MB21D2: variants seen among roughly 807,000 people sequenced by gnomAD.
The protein encoded by MB21D2 is nucleotidyltransferase MB21D2.
In MB21D2, 9 loss-of-function variants were observed where a neutral mutation model predicts 33.3. That is an observed-to-expected ratio of 0.27 (90% CI 0.16 to 0.47). The LOEUF (loss-of-function observed/expected upper bound fraction) is 0.47, where lower values mean the gene tolerates loss of function less well. MB21D2 is among the 20% of genes least tolerant of loss of function. The pLI is 0.99. For missense variants in MB21D2, 540 were observed against 624.6 expected, an observed-to-expected ratio of 0.86 and a Z score of 1.44; for synonymous variants, 241 against 236.3, an observed-to-expected ratio of 1.02 and a Z score of -0.18.
Position 192,796,834 on chromosome 3 carries a change from CTT to C in MB21D2, c.*1550_*1551del, listed in dbSNP as rs574485000. On this transcript the variant is annotated 3_prime_UTR_variant, in exon 2 of 2. Coordinates refer to ENST00000392452, the MANE Select transcript of MB21D2 (RefSeq NM_178496.4). ...ACAAAATTTCAAGGCCAGTATGTTTCTTTTTTTATTATTTTTGTGTTTGACTT... is the reference window on the plus strand; with the variant it reads ...ACAAAATTTCAAGGCCAGTATGTTTCTTTTTATTATTTTTGTGTTTGACTT... 292 of 152,234 alleles carry C rather than the reference CTT, an allele frequency of 1.9e-3. 1 individual carries two copies. The highest frequency in any genetic ancestry group is 6.7e-3 in the African/African-American group (279 of 41,478). 9.4% of individuals were successfully genotyped at this position (152,234 alleles called of 1,614,324 possible).
intron 1 of MB21D2, among the ~76,000 whole-genome samples, chr3:192,825,379 C>A (rs1160998813): frequency 6.6e-6 from 1 of 152,070 alleles, no homozygotes; most frequent in Non-Finnish European, 1.5e-5. Flanking sequence ...CATGCCAGAG[C>A]AAGTCAAACA....
At chr3:192,818,930 C>T (rs1371687923) in intron 1 of MB21D2, among the ~76,000 whole-genome samples, 2 of 152,070 alleles carry the variant, frequency 1.3e-5, no homozygotes, top group Non-Finnish European at 2.9e-5. Context: ...ATACAGTTCC[C>T]TTGAATGTCA....
chr3:192,819,577 T>C (rs1481640894), intron 1 of MB21D2, among the ~76,000 whole-genome samples: 1 of 152,188 alleles, frequency 6.6e-6, no homozygotes, highest in Non-Finnish European at 1.5e-5. Context: ...CCTATAGTTT[T>C]AAAAGGGAGA....
At chr3:192,858,648 G>GATAGACAGATGGAGCT (rs1247338332) in intron 1 of MB21D2, among the ~76,000 whole-genome samples, 5 of 152,166 alleles carry the variant, frequency 3.3e-5, no homozygotes, top group African/African-American at 1.2e-4. Flanking sequence ...AAAATGGACA[G>GATAGACAGATGGAGCT]ATAGACAGAT....
intron 1 of MB21D2, among the ~76,000 whole-genome samples, chr3:192,830,589 C>T (rs1167018223): frequency 6.6e-6 from 1 of 152,184 alleles, no homozygotes; most frequent in Non-Finnish European, 1.5e-5. Context: ...TCTCCCCAAA[C>T]CAGTTATCTC....
At chr3:192,838,551 C>T (rs1712495776) in intron 1 of MB21D2, among the ~76,000 whole-genome samples, 1 of 151,944 alleles carries the variant, frequency 6.6e-6, no homozygotes, top group Admixed American at 6.6e-5. Context: ...GCCTCGGCCT[C>T]CCGAGTGGCT....
chr3:192,884,624 C>T lies in MB21D2; in HGVS notation c.211+33006G>A, dbSNP rs1167466868. On this transcript the variant is annotated intron_variant, in intron 1 of 1. Transcript: ENST00000392452. ...CCTCGTGATCTGCCCGCCTTGGCCT[C>T]CCAAAGTGCTGGCATTACAGGCGTG... Among the ~76,000 whole-genome samples, 10 of 152,176 alleles carry T rather than the reference C, an allele frequency of 6.6e-5. 1 individual carries two copies. In the South Asian group the frequency reaches 1.9e-3, roughly 28 times the overall value.
At chr3:192,870,591 G>A (rs1312925483) in intron 1 of MB21D2, among the ~76,000 whole-genome samples, 2 of 151,692 alleles carry the variant, frequency 1.3e-5, no homozygotes, top group Admixed American at 6.6e-5. Flanking sequence ...ACATGGTGGT[G>A]CAAGCCTGTA....
intron 1 of MB21D2, among the ~76,000 whole-genome samples, chr3:192,871,334 T>C (rs1272128755): frequency 1.3e-5 from 2 of 152,172 alleles, no homozygotes; most frequent in African/African-American, 4.8e-5. Context: ...ACCTACTAAA[T>C]ATAGATTACT....
In MB21D2 at chr3:192,799,260, T is replaced by G; in HGVS notation, c.602A>C (p.Lys201Thr). Residue 201 changes from lysine (K) to threonine (T), a missense_variant, in exon 2 of 2, where the codon AAG becomes ACG. By Grantham distance (78) the Lys-to-Thr change is moderately conservative. Coordinates refer to ENST00000392452, the MANE Select transcript of MB21D2 (RefSeq NM_178496.4). The surrounding 1 kb of genome is among the most constrained non-coding windows in gnomAD (Gnocchi z 4.1). ...CTTTGGCATCCCTCGCTGGGGTTTC[T>G]TCTGTATTTCTGATAGGACAATGCT... ...SISIVLSEIQKKPQRGMPKVE... is the reference protein window; with the variant it reads ...SISIVLSEIQTKPQRGMPKVE... 6.2e-7 allele frequency: 1 copy of G among 1,614,254 alleles called. No homozygotes were observed. Among genetic ancestry groups the G allele is most frequent in the Middle Eastern group, 1.6e-4 (1 of 6,062 alleles).
intron 1 of MB21D2, among the ~76,000 whole-genome samples, chr3:192,871,217 T>A (rs1036685659): frequency 1.3e-5 from 2 of 152,138 alleles, no homozygotes; most frequent in African/African-American, 4.8e-5. Flanking sequence ...GACAATCACC[T>A]GGCATGATGA....
chr3:192,818,149 T>G lies in MB21D2; in HGVS notation c.212-18499A>C, dbSNP rs148188263. ...ATTTCCTGTCCCCCTTCATACAGCATTTGTACTACAGCTATTTGAGCTCAT... is the reference window on the plus strand; with the variant it reads ...ATTTCCTGTCCCCCTTCATACAGCAGTTGTACTACAGCTATTTGAGCTCAT... On this transcript the variant is annotated intron_variant, in intron 1 of 1. Coordinates refer to ENST00000392452, the MANE Select transcript of MB21D2 (RefSeq NM_178496.4). Among the ~76,000 whole-genome samples the G allele has an allele frequency of 1.1e-3, 169 of 152,208 alleles. 1 individual carries two copies. In the East Asian group the frequency reaches 0.024, roughly 22 times the overall value.
chr3:192,837,088 TA>T (rs1712456964), intron 1 of MB21D2, among the ~76,000 whole-genome samples: 1 of 152,044 alleles, frequency 6.6e-6, no homozygotes, highest in African/African-American at 2.4e-5. Context: ...ATTGAAGAAC[TA>T]AAAAATACAT....
intron 1 of MB21D2, among the ~76,000 whole-genome samples, chr3:192,852,316 G>C (rs143168532): frequency 2.6e-5 from 4 of 152,312 alleles, no homozygotes; most frequent in Non-Finnish European, 5.9e-5. Context: ...GGAAAGACAG[G>C]TTGTGAGGCG....
At chr3:192,835,963 T>G (rs1309029565) in intron 1 of MB21D2, among the ~76,000 whole-genome samples, 1 of 152,030 alleles carries the variant, frequency 6.6e-6, no homozygotes, top group African/African-American at 2.4e-5. Flanking sequence ...TCTCTGGAGA[T>G]GAAAAAAAGT....
intron 1 of MB21D2, among the ~76,000 whole-genome samples, chr3:192,913,133 A>G (rs1406695517): frequency 1.3e-5 from 2 of 152,204 alleles, no homozygotes; most frequent in Non-Finnish European, 2.9e-5. Context: ...CTAAGAAAGT[A>G]TATTTTTATC....
At chr3:192,812,132 C>G (rs958734507) in intron 1 of MB21D2, among the ~76,000 whole-genome samples, 22 of 152,254 alleles carry the variant, frequency 1.4e-4, no homozygotes, top group African/African-American at 4.6e-4. Context: ...ACTGCAACCT[C>G]TGCCTCCCAG....
chr3:192,899,143 A>C (rs547922630), intron 1 of MB21D2, among the ~76,000 whole-genome samples: 5 of 152,354 alleles, frequency 3.3e-5, no homozygotes, highest in Admixed American at 2.6e-4. Context: ...CAGGCATACA[A>C]GAAATACATG....
intron 1 of MB21D2, among the ~76,000 whole-genome samples, chr3:192,841,079 C>G (rs574007455): frequency 4.6e-5 from 7 of 152,290 alleles, no homozygotes; most frequent in Admixed American, 4.6e-4. Flanking sequence ...CACCAGTTAC[C>G]TCTATCTCTT....
Sources: gnomAD v4.1 joint callset for allele counts (sites outside exome capture counted in the v4.1 genomes callset) on GRCh38, gnomAD v4.1.1 for gene constraint, Gnocchi (gnomAD v3.1) non-coding constraint, MANE v1.5 for transcripts, NCBI Gene and HGNC (gene_info 2026-07-23, HGNC 2026-07-21) for gene names.